Variants in ZNF804B observed in about 807,000 individuals in gnomAD.
The protein encoded by ZNF804B is zinc finger 804B.
In ZNF804B, 80 loss-of-function variants were observed where a neutral mutation model predicts 101.4. The ratio of observed to expected loss-of-function variants is 0.79; its 90% confidence interval spans 0.66 to 0.95. The LOEUF (loss-of-function observed/expected upper bound fraction) is 0.95. Among genes scored for constraint, ZNF804B ranks in the 40% least tolerant of loss-of-function variants. ZNF804B has a pLI of 0.00. For missense variants in ZNF804B, 1,673 were observed against 1,561.9 expected, an observed-to-expected ratio of 1.07 and a Z score of -1.20; for synonymous variants, 622 against 558.8, an observed-to-expected ratio of 1.11 and a Z score of -1.59.
At chr7:89,099,497 A>C (rs939060917) in intron 1 of ZNF804B, among the ~76,000 whole-genome samples, 1 of 152,194 alleles carries the variant, frequency 6.6e-6, no homozygotes, top group Non-Finnish European at 1.5e-5. Flanking sequence ...GGTCCAGTTC[A>C]GTGAAAGGAA....
At chr7:89,304,230 T>C (rs2115928564) in intron 2 of ZNF804B, among the ~76,000 whole-genome samples, 1 of 152,006 alleles carries the variant, frequency 6.6e-6, no homozygotes. Context: ...AACCTAACTT[T>C]AATAAGCAAC....
chr7:89,194,439 A>G (rs11978189), intron 1 of ZNF804B, among the ~76,000 whole-genome samples: 113,569 of 148,738 alleles, frequency 0.76, 44,544 homozygotes, highest in African/African-American at 0.93. Flanking sequence ...GGTTTTTATG[A>G]TTTTAGATCT....
intron 1 of ZNF804B, among the ~76,000 whole-genome samples, chr7:88,899,955 C>G (rs1429904307): frequency 6.6e-6 from 1 of 152,060 alleles, no homozygotes; most frequent in Non-Finnish European, 1.5e-5. Context: ...CAGGATGAAA[C>G]ACTGAGTTTT....
chr7:89,265,464 A>C (rs1789778980), intron 2 of ZNF804B, among the ~76,000 whole-genome samples: 1 of 151,046 alleles, frequency 6.6e-6, no homozygotes, highest in African/African-American at 2.4e-5. Context: ...TTTAATTTGC[A>C]TAGAGGGAAG....
At chr7:89,254,971 G>A (rs143720499) in intron 2 of ZNF804B, among the ~76,000 whole-genome samples, 87 of 152,272 alleles carry the variant, frequency 5.7e-4, no homozygotes, top group African/African-American at 2.1e-3. Context: ...GAAAAATAAA[G>A]AGGGGACTTT....
At chr7:89,035,025 A>G (rs1044390466) in intron 1 of ZNF804B, among the ~76,000 whole-genome samples, 2 of 152,204 alleles carry the variant, frequency 1.3e-5, no homozygotes, top group African/African-American at 4.8e-5. Context: ...ACATTCACAT[A>G]TCACCATAGA....
intron 1 of ZNF804B, among the ~76,000 whole-genome samples, chr7:89,093,736 A>G (rs1016264830): frequency 2.0e-5 from 3 of 152,234 alleles, no homozygotes; most frequent in Non-Finnish European, 4.4e-5. Flanking sequence ...AGGAACTGCC[A>G]AATTATTTTG....
chr7:89,171,343 CTTCTTCTTCTTCT>C (rs1562904518), intron 1 of ZNF804B, among the ~76,000 whole-genome samples: 12 of 132,484 alleles, frequency 9.1e-5, no homozygotes, highest in African/African-American at 3.4e-4. Context: ...TCTTCTTCTT[CTTCTTCTTCTTCT>C]TCCTCCTCTT....
chr7:89,142,776 AG>A (rs1369998316), intron 1 of ZNF804B, among the ~76,000 whole-genome samples: 55 of 152,112 alleles, frequency 3.6e-4, no homozygotes, highest in African/African-American at 1.3e-3. Context: ...AGTTCTCTTC[AG>A]TTAGAATACT....
intron 2 of ZNF804B, among the ~76,000 whole-genome samples, chr7:89,244,309 A>C (rs1179767766): frequency 1.3e-5 from 2 of 152,094 alleles, no homozygotes; most frequent in African/African-American, 4.8e-5. Context: ...GATTATATAT[A>C]GATGAAATGT....
intron 1 of ZNF804B, among the ~76,000 whole-genome samples, chr7:89,061,390 A>ATGTGTG (rs58438827): frequency 1.7e-4 from 26 of 150,852 alleles, no homozygotes; most frequent in African/African-American, 5.3e-4. Flanking sequence ...CCCCATGAAA[A>ATGTGTG]TGTGTGTGTG....
intron 1 of ZNF804B, among the ~76,000 whole-genome samples, chr7:88,971,606 A>G (rs73401204): frequency 0.03 from 4,522 of 151,716 alleles, 242 homozygotes; most frequent in African/African-American, 0.1. Context: ...AAATGTTAAG[A>G]TATGGAGATA....
At chr7:88,840,062 A>T (rs1791273399) in intron 1 of ZNF804B, among the ~76,000 whole-genome samples, 1 of 152,148 alleles carries the variant, frequency 6.6e-6, no homozygotes, top group Non-Finnish European at 1.5e-5. Flanking sequence ...AATTTTAGAT[A>T]ATACTATAGA....
intron 2 of ZNF804B, among the ~76,000 whole-genome samples, chr7:89,293,757 C>T (rs10224254): frequency 0.23 from 35,125 of 151,352 alleles, 4,414 homozygotes; most frequent in Admixed American, 0.28. Flanking sequence ...CCACTGCACT[C>T]CAGCCTGGGC....
intron 1 of ZNF804B, among the ~76,000 whole-genome samples, chr7:88,766,341 G>T (rs1162139678): frequency 6.6e-6 from 1 of 152,026 alleles, no homozygotes; most frequent in Non-Finnish European, 1.5e-5. Context: ...ATAAAAGGGG[G>T]TTTTGATTTG....
rs186252561 is a variant in ZNF804B at position 88,805,935 on chromosome 7, G to A, written c.108+45851G>A. 2.5e-4 allele frequency among the ~76,000 whole-genome samples: 38 copies of A among 150,710 alleles called. 1 individual carries two copies. The highest frequency in any genetic ancestry group is 8.3e-4 in the African/African-American group (34 of 41,088). Reference sequence around the variant, plus strand: ...CTGTTCTGGGCTCTGTGTGCCTTGCGTGCTGAAATATAGATAATAGCTTTG... The same window carrying A: ...CTGTTCTGGGCTCTGTGTGCCTTGCATGCTGAAATATAGATAATAGCTTTG... On this transcript the variant is annotated intron_variant, in intron 1 of 3. Transcript: ENST00000333190.
At chr7:89,293,654 A>G (rs10253406) in intron 2 of ZNF804B, among the ~76,000 whole-genome samples, 38,630 of 151,902 alleles carry the variant, frequency 0.25, 5,031 homozygotes, top group Admixed American at 0.29. Context: ...GCCTGGTGGC[A>G]GGCACCTGTA....
intron 1 of ZNF804B, among the ~76,000 whole-genome samples, chr7:88,868,087 A>T (rs1791762607): frequency 1.6e-5 from 2 of 122,406 alleles, no homozygotes; most frequent in South Asian, 5.4e-4. Flanking sequence ...GTGTGTGTGT[A>T]TTATGCTTTT....
intron 2 of ZNF804B, among the ~76,000 whole-genome samples, chr7:89,315,412 A>G (rs1455150679): frequency 6.6e-6 from 1 of 152,168 alleles, no homozygotes; most frequent in Admixed American, 6.6e-5. Context: ...AAAAGTTTAT[A>G]AATGATTATC....
Sources: gnomAD v4.1 joint callset for allele counts (sites outside exome capture counted in the v4.1 genomes callset) on GRCh38, gnomAD v4.1.1 for gene constraint, MANE v1.5 for transcripts, NCBI Gene and HGNC (gene_info 2026-07-23, HGNC 2026-07-21) for gene names.